Variants in DAB1 observed in about 807,000 individuals in gnomAD.
DAB1 encodes disabled homolog 1.
In DAB1, 15 loss-of-function variants were observed where a neutral mutation model predicts 64.6. The observed-to-expected ratio is 0.23, with a 90% CI of 0.16 to 0.36. The LOEUF (loss-of-function observed/expected upper bound fraction) is 0.36, where lower values mean the gene tolerates loss of function less well. DAB1 is among the 10% of genes least tolerant of loss of function. DAB1 has a pLI of 1.00. For missense variants in DAB1, 596 were observed against 706.7 expected (o/e 0.84, Z 1.78); for synonymous variants, 235 against 251.9 (o/e 0.93, Z 0.64).
chr1:57,621,172 A>AGT (rs141990401), intron 7 of DAB1, among the ~76,000 whole-genome samples: 13,040 of 149,878 alleles, frequency 0.087, 1,943 homozygotes, highest in African/African-American at 0.3. Flanking sequence ...CATAAGCTTG[A>AGT]GTGTGTGTGT....
chr1:57,021,304 G>C (rs976721763), intron 11 of DAB1, among the ~76,000 whole-genome samples: 25 of 152,286 alleles, frequency 1.6e-4, no homozygotes, highest in Admixed American at 1.2e-3. Context: ...GGTCTTCCAA[G>C]TCCCTAATCT....
intron 1 of DAB1, among the ~76,000 whole-genome samples, chr1:57,399,438 G>C (rs1018534865): frequency 1.3e-5 from 2 of 152,120 alleles, no homozygotes; most frequent in African/African-American, 4.8e-5. Context: ...TCAAACCTGC[G>C]ATTCTAGGCT....
In DAB1 at chr1:57,237,205, A is replaced by C. The variant is rs79916384; in HGVS notation, c.67+53759T>G. On this transcript the variant is annotated intron_variant, in intron 2 of 14. Transcript: ENST00000371236. ...GCAGGACTGTGACTTTTCTATCTGA[A>C]TAAGCCCAATGTGCCCAGCATGGGA... 9.8e-3 allele frequency among the ~76,000 whole-genome samples: 1,489 copies of C among 152,300 alleles called. 6 individuals carry two copies. Among genetic ancestry groups the C allele is most frequent in the Admixed American group, 0.015 (225 of 15,290 alleles).
At chr1:57,660,678 T>C (rs1000132591) in intron 6 of DAB1, among the ~76,000 whole-genome samples, 4 of 152,196 alleles carry the variant, frequency 2.6e-5, no homozygotes, top group Admixed American at 2.6e-4. Context: ...GCTCCCCTAA[T>C]GTCCTTGGCT....
intron 6 of DAB1, among the ~76,000 whole-genome samples, chr1:57,717,203 C>G (rs1647094184): frequency 1.3e-5 from 2 of 151,300 alleles, no homozygotes. Flanking sequence ...CACCATTGCA[C>G]TCCAGCCTGG....
chr1:57,113,680 TGTACGCTTGCAATCAAAAACCGGTG>T (rs1655860404), intron 4 of DAB1, among the ~76,000 whole-genome samples: 1 of 152,202 alleles, frequency 6.6e-6, no homozygotes. Context: ...CATTAAAAAA[TGTACGCTTGCAATCAAAAACCGGTG>T]GTATGCTAGA....
chr1:58,477,250 C>A (rs992889818), intron 3 of DAB1, among the ~76,000 whole-genome samples: 88 of 152,086 alleles, frequency 5.8e-4, no homozygotes, highest in African/African-American at 2.1e-3. Context: ...ACAAAAAAAC[C>A]TTGTAAACGC....
At chr1:58,393,741 G>A (rs111999640) in intron 3 of DAB1, among the ~76,000 whole-genome samples, 3,515 of 152,282 alleles carry the variant, frequency 0.023, 62 homozygotes, top group Middle Eastern at 0.048. Flanking sequence ...TGGGGAAAGG[G>A]GAGATGTTAA....
intron 4 of DAB1, among the ~76,000 whole-genome samples, chr1:58,189,905 G>A (rs1657293446): frequency 6.6e-6 from 1 of 152,214 alleles, no homozygotes; most frequent in African/African-American, 2.4e-5. Flanking sequence ...GGCTTCACCT[G>A]ACATGAAGTG....
chr1:57,743,537 G>T (rs1648104113), intron 6 of DAB1, among the ~76,000 whole-genome samples: 1 of 152,202 alleles, frequency 6.6e-6, no homozygotes, highest in Non-Finnish European at 1.5e-5. Context: ...CTGTTTGGTG[G>T]TCTCTCCACA....
intron 3 of DAB1, among the ~76,000 whole-genome samples, chr1:58,397,611 A>C (rs1424038516): frequency 1.3e-5 from 2 of 152,222 alleles, no homozygotes; most frequent in African/African-American, 4.8e-5. Flanking sequence ...CACAGGAGCC[A>C]CTGGTGTCTT....
intron 7 of DAB1, among the ~76,000 whole-genome samples, chr1:57,499,174 C>A (rs890129311): frequency 2.0e-5 from 3 of 152,180 alleles, no homozygotes; most frequent in Non-Finnish European, 2.9e-5. Flanking sequence ...CATGGTTTCA[C>A]CATGTTGGCC....
chr1:57,818,114 T>C (rs766371416), intron 6 of DAB1, among the ~76,000 whole-genome samples: 1 of 152,180 alleles, frequency 6.6e-6, no homozygotes, highest in Non-Finnish European at 1.5e-5. Context: ...TTGATCACAA[T>C]ATAACAGTTA....
intron 4 of DAB1, among the ~76,000 whole-genome samples, chr1:58,297,477 T>A (rs1444463070): frequency 2.0e-5 from 3 of 152,144 alleles, no homozygotes; most frequent in Non-Finnish European, 4.4e-5. Flanking sequence ...AACTACACAA[T>A]GCCTGGTACA....
At chr1:57,160,951 TG>T (rs1660686513) in intron 2 of DAB1, among the ~76,000 whole-genome samples, 2 of 152,176 alleles carry the variant, frequency 1.3e-5, no homozygotes, top group South Asian at 4.2e-4. Flanking sequence ...CACGGGATAG[TG>T]GGAGCAGGTG....
chr1:57,357,761 G>A (rs902257374), intron 1 of DAB1, among the ~76,000 whole-genome samples: 3 of 151,862 alleles, frequency 2.0e-5, no homozygotes, highest in African/African-American at 7.3e-5. Flanking sequence ...CGGCAGGAGA[G>A]AGAAATGCCA....
chr1:58,152,563 A>T (rs189858749), intron 4 of DAB1, among the ~76,000 whole-genome samples: 84 of 152,296 alleles, frequency 5.5e-4, no homozygotes, highest in Non-Finnish European at 7.9e-4. Context: ...TCTCTGCAAA[A>T]TGGGGAGAAT....
At chr1:57,143,330 G>C (rs762870347) in intron 3 of DAB1, among the ~76,000 whole-genome samples, 2 of 152,150 alleles carry the variant, frequency 1.3e-5, no homozygotes, top group Non-Finnish European at 1.5e-5. Context: ...CAGAAAGCTA[G>C]AGTTTGGAAT....
At chr1:57,582,208 G>C (rs1262182653) in intron 7 of DAB1, among the ~76,000 whole-genome samples, 1 of 152,154 alleles carries the variant, frequency 6.6e-6, no homozygotes, top group African/African-American at 2.4e-5. Flanking sequence ...AACAAAAGAG[G>C]GTTAATTGAC....
Sources: allele counts gnomAD v4.1 joint callset (sites outside exome capture counted in the v4.1 genomes callset), GRCh38; gene constraint gnomAD v4.1.1; transcripts MANE v1.5; gene names NCBI Gene and HGNC (gene_info 2026-07-23, HGNC 2026-07-21).